Variants in CPAMD8 observed in about 807,000 individuals in gnomAD.
CPAMD8 encodes the protein C3 and PZP like alpha-2-macroglobulin domain containing 8.
A neutral mutation model predicts 224.7 loss-of-function variants in CPAMD8; 146 were observed. The ratio of observed to expected loss-of-function variants is 0.65; its 90% CI spans 0.57 to 0.75. The LOEUF (loss-of-function observed/expected upper bound fraction) is 0.75, where lower values mean the gene tolerates loss of function less well. Among genes scored for constraint, CPAMD8 ranks in the 30% least tolerant of loss-of-function variants. The pLI is 0.00. For missense variants in CPAMD8, 2,301 were observed against 2,537.5 expected, an observed-to-expected ratio of 0.91 and a Z score of 2.00; for synonymous variants, 966 against 1,044.6, an observed-to-expected ratio of 0.92 and a Z score of 1.45.
intron 27 of CPAMD8, among the ~76,000 whole-genome samples, chr19:16,915,129 G>A (rs766321845): frequency 2.0e-5 from 3 of 152,166 alleles, no homozygotes; most frequent in Non-Finnish European, 4.4e-5. Flanking sequence ...CCTGCCATGT[G>A]AGGAAGACCC....
intron 24 of CPAMD8, 124 bp downstream of exon 24, chr19:16,928,818 G>T: frequency 1.4e-6 from 1 of 711,448 alleles, no homozygotes; most frequent in Non-Finnish European, 2.3e-6. Flanking sequence ...ACAACTTGAG[G>T]TGGTGCTCCA....
At chr19:16,945,725 G>C in intron 21 of CPAMD8, 46 bp from the exon 22 acceptor site, 1 of 1,595,758 alleles carries the variant, frequency 6.3e-7, no homozygotes, top group Non-Finnish European at 8.6e-7. Flanking sequence ...CTCCACCCAA[G>C]ATGGGGGCTG....
intron 18 of CPAMD8, among the ~76,000 whole-genome samples, chr19:16,959,455 G>T (rs528623253): frequency 1.3e-5 from 2 of 152,074 alleles, no homozygotes; most frequent in African/African-American, 4.8e-5. Flanking sequence ...GATTACAGGT[G>T]TGGGCCACTG....
chr19:16,928,179 G>T lies in CPAMD8; in HGVS notation c.3200C>A (p.Pro1067Gln). 2.5e-6 allele frequency: 4 copies of T among 1,614,128 alleles called. No homozygotes were observed. Among genetic ancestry groups the T allele is most frequent in the Non-Finnish European group, 3.4e-6 (4 of 1,180,040 alleles). ...AATGAACTGGACCTCTGGTGGCCTCGGGAGGGTCCAGGCCACAATGACAGA... is the reference window on the plus strand; with the variant it reads ...AATGAACTGGACCTCTGGTGGCCTCTGGAGGGTCCAGGCCACAATGACAGA... Reference protein sequence around the residue: ...NESVIVAWTLPRPPEVQFIGF... With the variant: ...NESVIVAWTLQRPPEVQFIGF... The change falls in exon 25 of 42, where the codon CCG (proline) becomes CAG (glutamine). Residue 1067 changes from proline (P) to glutamine (Q), a missense_variant. Pro to Gln is a moderately conservative substitution (Grantham distance 76). Around this residue, in one of 4 missense-constraint regions of CPAMD8, gnomAD observed 1,709 missense variants for 1,753.2 expected, o/e 0.97. Coordinates refer to ENST00000443236, the MANE Select transcript of CPAMD8 (RefSeq NM_015692.5).
At chr19:16,907,307 C>CTTTTTTTTTTTTT (rs71334641) in intron 29 of CPAMD8, among the ~76,000 whole-genome samples, 190 bp from the exon 30 acceptor site, 1 of 81,076 alleles carries the variant, frequency 1.2e-5, no homozygotes, top group Non-Finnish European at 2.2e-5. Context: ...TCTTTCTTGC[C>CTTTTTTTTTTTTT]TTTTTTTTTT....
At chr19:16,987,944 G>A (rs1413021173) in intron 13 of CPAMD8, among the ~76,000 whole-genome samples, 1 of 152,134 alleles carries the variant, frequency 6.6e-6, no homozygotes, top group African/African-American at 2.4e-5. Flanking sequence ...GGTTACAGGT[G>A]TGAGCCACCA....
intron 9 of CPAMD8, 146 bp from the exon 10 acceptor site, chr19:17,000,668 C>T (rs536359571): frequency 1.6e-4 from 89 of 545,020 alleles, no homozygotes; most frequent in African/African-American, 1.6e-3. Flanking sequence ...GTCCTGACAG[C>T]CCTCCCTGCA....
At chr19:16,965,743 T>C (rs2054806579) in intron 18 of CPAMD8, among the ~76,000 whole-genome samples, 1 of 152,078 alleles carries the variant, frequency 6.6e-6, no homozygotes, top group Non-Finnish European at 1.5e-5. Context: ...CCATTCACAA[T>C]TGCTACAAAG....
chr19:16,963,826 A>C (rs1045972851), intron 18 of CPAMD8, among the ~76,000 whole-genome samples: 1 of 152,222 alleles, frequency 6.6e-6, no homozygotes, highest in African/African-American at 2.4e-5. Context: ...AAAAGAACAG[A>C]AATCACAACA....
At chr19:17,013,496 G>A (rs2056720384) in intron 3 of CPAMD8, 2 of 62,440 alleles carry the variant, frequency 3.2e-5, no homozygotes, top group East Asian at 8.6e-4. Context: ...GGATGACAGA[G>A]CGAGACTCCG....
chr19:16,968,435 G>T (rs573009942), intron 18 of CPAMD8, among the ~76,000 whole-genome samples: 1 of 152,230 alleles, frequency 6.6e-6, no homozygotes, highest in South Asian at 2.1e-4. Context: ...CACTTCCATG[G>T]ACAGGCTCAT....
Position 16,976,071 on chromosome 19 carries a change from A to T in CPAMD8, c.1839T>A (p.Cys613Ter). Residue 613 changes from cysteine to a stop codon, truncating the protein, a stop_gained, in exon 16 of 42, where the codon TGT (cysteine) becomes TGA (stop). Coordinates refer to ENST00000443236, the MANE Select transcript of CPAMD8 (RefSeq NM_015692.5). LOFTEE classifies it high-confidence loss of function. ...TCTTATCAACTGCGGCGACGCACAC[A>T]CAGCTGCCCCTTGCAGCCCTGATCC... Reference protein sequence around the residue: ...DLRIRAARGSCVCVAAVDKSV... With the variant: ...DLRIRAARGS 6.2e-7 allele frequency: 1 copy of T among 1,612,154 alleles called. No individual in the cohort carries two copies. The highest frequency in any genetic ancestry group is 8.5e-7 in the Non-Finnish European group (1 of 1,178,920).
intron 13 of CPAMD8, among the ~76,000 whole-genome samples, 156 bp from the exon 14 acceptor site, chr19:16,980,842 T>C (rs1348728803): frequency 6.6e-6 from 1 of 152,046 alleles, no homozygotes; most frequent in Non-Finnish European, 1.5e-5. Context: ...TTGTTTTTTG[T>C]TTTCTTTTTT....
chr19:16,903,659 C>G, intron 33 of CPAMD8, 36 bp from the exon 34 acceptor site: 1 of 1,614,036 alleles, frequency 6.2e-7, no homozygotes, highest in Non-Finnish European at 8.5e-7. Flanking sequence ...CCTGCTGACC[C>G]CTCCTCCAAC....
intron 18 of CPAMD8, among the ~76,000 whole-genome samples, chr19:16,961,093 G>C (rs979337344): frequency 6.6e-6 from 1 of 152,156 alleles, no homozygotes; most frequent in African/African-American, 2.4e-5. Context: ...CTCCCAGTGT[G>C]ATTGACACGG....
At chr19:16,897,422 G>A in intron 39 of CPAMD8, 1 of 478,196 alleles carries the variant, frequency 2.1e-6, no homozygotes, top group Non-Finnish European at 3.7e-6. Context: ...TCACTGGCTC[G>A]GCCCTGCCCC....
At position 16,980,611 on chromosome 19, in the gene CPAMD8, G is replaced by C. The variant is rs377224281; in HGVS notation, c.1471C>G (p.Arg491Gly). ...TGGCCCGATAGCACAATATTGCCCC[G>C]TGCAGCCACCTCGTAGTACAGGGTA... Reference protein sequence around the residue: ...NFTLYYEVAARGNIVLSGQQP... With the variant: ...NFTLYYEVAAGGNIVLSGQQP... The change falls in exon 14 of 42, where the codon CGG (arginine) becomes GGG (glycine). Residue 491 changes from arginine to glycine, a missense_variant. Coordinates refer to ENST00000443236, the MANE Select transcript of CPAMD8 (RefSeq NM_015692.5). 6.2e-7 allele frequency: 1 copy of C among 1,608,868 alleles called. No individual in the cohort carries two copies. The highest frequency in any genetic ancestry group is 8.5e-7 in the Non-Finnish European group (1 of 1,178,148).
Position 16,902,807 on chromosome 19 carries a change from G to C in CPAMD8, c.4527C>G (p.Leu1509=). 1 of 1,574,124 alleles carries C rather than the reference G, an allele frequency of 6.4e-7. No individual in the cohort carries two copies. Among genetic ancestry groups the C allele is most frequent in the Non-Finnish European group, 8.6e-7 (1 of 1,156,552 alleles). ...GGGCCTCAGGCTCCTGGAGGCTTACGAGCAGCTGGAAAGCTGGCTTGGCCA... is the reference window on the plus strand; with the variant it reads ...GGGCCTCAGGCTCCTGGAGGCTTACCAGCAGCTGGAAAGCTGGCTTGGCCA... The part of the protein sequence containing the change: ...DPVAKPAFQL[L]VSLQEPEAQG... Residue 1509 remains leucine, a synonymous_variant, in exon 35 of 42, where the codon CTC becomes CTG. Coordinates refer to ENST00000443236, the MANE Select transcript of CPAMD8 (RefSeq NM_015692.5).
At chr19:16,943,004 C>CTTTCTT (rs1328933434) in intron 22 of CPAMD8, among the ~76,000 whole-genome samples, 7 of 134,226 alleles carry the variant, frequency 5.2e-5, no homozygotes, top group African/African-American at 2.1e-4. Flanking sequence ...TTTCTTTTTT[C>CTTTCTT]TTTTTTCTTT....
Sources: allele counts gnomAD v4.1 joint callset (sites outside exome capture counted in the v4.1 genomes callset), GRCh38; gene constraint gnomAD v4.1.1; regional missense constraint gnomAD v4.1.1; transcripts MANE v1.5; gene names NCBI Gene and HGNC (gene_info 2026-07-23, HGNC 2026-07-21).